The following PRPF18 variants were observed in gnomAD, a reference collection of about 807,000 sequenced individuals.
The protein encoded by PRPF18 is pre-mRNA-splicing factor 18.
A neutral mutation model predicts 46.5 loss-of-function variants in PRPF18; 38 were observed. That is an observed-to-expected ratio of 0.82 (90% CI 0.63 to 1.07). The LOEUF (loss-of-function observed/expected upper bound fraction) is 1.07. Among genes scored for constraint, PRPF18 ranks in the 50% least tolerant of loss-of-function variants. The pLI is 0.00. For synonymous variants in PRPF18, 152 were observed against 146.7 expected, an observed-to-expected ratio of 1.04 and a Z score of -0.26; for missense variants, 263 against 410.0, an observed-to-expected ratio of 0.64 and a Z score of 3.10.
At chr10:13,628,656 G>A (rs1382713614) in intron 9 of PRPF18, among the ~76,000 whole-genome samples, 4 of 152,072 alleles carry the variant, frequency 2.6e-5, no homozygotes, top group Non-Finnish European at 1.5e-5. Context: ...TATTTGTGTT[G>A]TCTGCTTACT....
the PRPF18 span, chr10:13,647,475 A>T: frequency 1.4e-4 from 22 of 152,150 alleles, no homozygotes; most frequent in African/African-American, 4.8e-4. Context: ...CTTTTCCCAC[A>T]CGACAGCTGC....
At chr10:13,597,055 T>C (rs1040630412) in intron 1 of PRPF18, among the ~76,000 whole-genome samples, 1 of 152,226 alleles carries the variant, frequency 6.6e-6, no homozygotes, top group African/African-American at 2.4e-5. Flanking sequence ...GCTATATATG[T>C]CATAATTTTG....
chr10:13,613,617 G>A (rs1022678218), intron 6 of PRPF18, 124 bp from the exon 7 acceptor site: 10 of 1,048,796 alleles, frequency 9.5e-6, no homozygotes, highest in African/African-American at 6.4e-5. Context: ...ATTATTTGGT[G>A]GCATTTTAAT....
chr10:13,636,004 T>C, the PRPF18 span, among the ~76,000 whole-genome samples: 1 of 152,196 alleles, frequency 6.6e-6, no homozygotes, highest in Non-Finnish European at 1.5e-5. Flanking sequence ...GAACAGAAAC[T>C]TGTAAGCCAT....
downstream of PRPF18, among the ~76,000 whole-genome samples, chr10:13,632,346 C>T (rs1444516741): frequency 1.3e-5 from 2 of 151,724 alleles, no homozygotes; most frequent in Non-Finnish European, 2.9e-5. Flanking sequence ...GTCCCCTCCC[C>T]CCCGCAAAAA....
chr10:13,634,807 G>A (rs2080622077), downstream of PRPF18, among the ~76,000 whole-genome samples: 1 of 152,112 alleles, frequency 6.6e-6, no homozygotes, highest in African/African-American at 2.4e-5. Context: ...AAATATGCTG[G>A]TGGTTATCCT....
At chr10:13,649,152 A>C in the PRPF18 span, 1 of 152,224 alleles carries the variant, frequency 6.6e-6, no homozygotes, top group African/African-American at 2.4e-5. Context: ...GTTGGATCCT[A>C]AACAGTTTCT....
the PRPF18 span, chr10:13,652,192 A>T: frequency 1.7e-6 from 1 of 585,978 alleles, no homozygotes; most frequent in East Asian, 2.8e-5. Context: ...GCCCTCTTTT[A>T]CCCATGGCCT....
At chr10:13,632,313 C>T (rs1162069437), downstream of PRPF18, among the ~76,000 whole-genome samples, 2 of 152,074 alleles carry the variant, frequency 1.3e-5, no homozygotes, top group African/African-American at 4.8e-5. Flanking sequence ...TGCACTCCAG[C>T]CTGGGCAACA....
the PRPF18 span, chr10:13,642,549 G>GCAGA: frequency 1.3e-5 from 1 of 75,584 alleles, no homozygotes; most frequent in Non-Finnish European, 2.6e-5. Context: ...CAATGAAAGG[G>GCAGA]CAGATAAACA....
At chr10:13,654,434 A>G in the PRPF18 span, 2 of 1,572,712 alleles carry the variant, frequency 1.3e-6, no homozygotes, top group South Asian at 1.1e-5. Flanking sequence ...CCAGGTTAGG[A>G]TGTGGTGGGG....
the PRPF18 span, among the ~76,000 whole-genome samples, chr10:13,638,349 A>G: frequency 6.7e-6 from 1 of 149,440 alleles, no homozygotes; most frequent in South Asian, 2.1e-4. Context: ...TGTATAAAAC[A>G]TGAACTGCTT....
chr10:13,648,768 T>C, the PRPF18 span: 1 of 152,206 alleles, frequency 6.6e-6, no homozygotes, highest in Non-Finnish European at 1.5e-5. Flanking sequence ...TACTGGCACA[T>C]GTAAGTAGTT....
In PRPF18 at chr10:13,586,973, T is replaced by C. The variant is rs2079880663; in HGVS notation, c.-114T>C. The C allele has an allele frequency of 9.2e-7, 1 of 1,091,338 alleles. No individual in the cohort carries two copies. The highest frequency in any genetic ancestry group is 1.4e-6 in the Non-Finnish European group (1 of 709,074). The allele number at this position is 1,091,338 out of a possible 1,614,324, so 67.6% of individuals were successfully genotyped here. ...CGGAAGCGGCTCCTGTCAGTTGTTC[T>C]CAGGTGTTTGGGCTTGTTGTTCCGT... On this transcript the variant is annotated 5_prime_UTR_variant, in exon 1 of 10. Transcript: ENST00000378572.
intron 2 of PRPF18, among the ~76,000 whole-genome samples, chr10:13,598,699 A>C (rs1475188099): frequency 1.2e-4 from 19 of 152,168 alleles, no homozygotes; most frequent in Admixed American, 1.2e-3. Flanking sequence ...AATAAGTTTT[A>C]TGTTAATAAC....
At chr10:13,622,992 A>G (rs2080442137) in intron 9 of PRPF18, among the ~76,000 whole-genome samples, 1 of 152,110 alleles carries the variant, frequency 6.6e-6, no homozygotes, top group Non-Finnish European at 1.5e-5. Flanking sequence ...AGGTCAGGAG[A>G]TGGAGACCAT....
chr10:13,645,808 A>G, the PRPF18 span: 6 of 152,768 alleles, frequency 3.9e-5, no homozygotes, highest in Admixed American at 2.6e-4. Flanking sequence ...CGAACAGAAA[A>G]TGAGCCACGA....
At chr10:13,613,507 C>T (rs926330295) in intron 6 of PRPF18, among the ~76,000 whole-genome samples, 2 of 152,156 alleles carry the variant, frequency 1.3e-5, no homozygotes, top group Non-Finnish European at 2.9e-5. Flanking sequence ...GCAAATTATC[C>T]TGAGCTAGGA....
chr10:13,613,279 G>C (rs1478251479), intron 6 of PRPF18, among the ~76,000 whole-genome samples: 1 of 152,072 alleles, frequency 6.6e-6, no homozygotes, highest in Non-Finnish European at 1.5e-5. Flanking sequence ...CTGGGTCTTG[G>C]CTTCTTTATT....
Sources: allele counts gnomAD v4.1 joint callset (sites outside exome capture counted in the v4.1 genomes callset), GRCh38; gene constraint gnomAD v4.1.1; transcripts MANE v1.5; gene names NCBI Gene and HGNC (gene_info 2026-07-23, HGNC 2026-07-21).